PDE1C: variants seen among roughly 807,000 people sequenced by gnomAD.
PDE1C encodes dual specificity calcium/calmodulin-dependent 3',5'-cyclic nucleotide phosphodiesterase 1C.
PDE1C carries 62 observed loss-of-function variants against 93.1 expected under a neutral mutation model. The observed-to-expected ratio is 0.67, with a 90% CI of 0.54 to 0.82. The LOEUF is 0.82. PDE1C is among the 40% of genes least tolerant of loss of function. The probability of loss-of-function intolerance (pLI) is 0.00; values close to 1 mark genes in which losing one functional copy is unlikely to be tolerated. For synonymous variants in PDE1C, 325 were observed against 310.1 expected (o/e 1.05, Z -0.50); for missense variants, 742 against 884.6 (o/e 0.84, Z 2.04).
intron 2 of PDE1C, among the ~76,000 whole-genome samples, chr7:32,000,810 G>A (rs1411588601): frequency 6.6e-6 from 1 of 152,016 alleles, no homozygotes; most frequent in Non-Finnish European, 1.5e-5. Flanking sequence ...CTCCAATACA[G>A]CCCCCACACC....
chr7:32,058,816 AT>A (rs1794446008), intron 1 of PDE1C, among the ~76,000 whole-genome samples: 1 of 152,180 alleles, frequency 6.6e-6, no homozygotes, highest in Non-Finnish European at 1.5e-5. Flanking sequence ...GAGAAAGGAG[AT>A]AATAGAGTAA....
chr7:31,722,025 C>T, the PDE1C span, among the ~76,000 whole-genome samples: 4 of 152,156 alleles, frequency 2.6e-5, no homozygotes, highest in African/African-American at 9.7e-5. Context: ...GTCATATTTG[C>T]ACCAGAACCC....
chr7:31,736,404 G>GC, the PDE1C span, among the ~76,000 whole-genome samples: 2 of 152,128 alleles, frequency 1.3e-5, no homozygotes, highest in Admixed American at 1.3e-4. Context: ...GGAGACCCAG[G>GC]TTCACTCCTA....
At chr7:31,968,271 C>A (rs1343071506) in intron 2 of PDE1C, among the ~76,000 whole-genome samples, 1 of 152,146 alleles carries the variant, frequency 6.6e-6, no homozygotes, top group East Asian at 1.9e-4. Context: ...TCTCAGGATA[C>A]AAAATCAATG....
chr7:31,707,339 C>A, the PDE1C span: 3 of 1,454,802 alleles, frequency 2.1e-6, no homozygotes, highest in Admixed American at 3.9e-5. Context: ...CTGTGGTGAC[C>A]TAGAGAAAAA....
intron 1 of PDE1C, among the ~76,000 whole-genome samples, chr7:32,307,983 A>G (rs973373669): frequency 1.3e-5 from 2 of 152,230 alleles, no homozygotes; most frequent in Non-Finnish European, 2.9e-5. Flanking sequence ...TCCTAGTCAA[A>G]GAATGGGGTG....
intron 11 of PDE1C, 32 bp from the exon 12 acceptor site, chr7:31,828,405 G>A (rs1283418454): frequency 3.2e-6 from 5 of 1,573,146 alleles, no homozygotes; most frequent in African/African-American, 1.3e-5. Context: ...GTAAATTAAG[G>A]AACAGTAGGC....
At chr7:32,118,339 T>C (rs1584796128) in intron 3 of PDE1C, among the ~76,000 whole-genome samples, 1 of 152,164 alleles carries the variant, frequency 6.6e-6, no homozygotes, top group Non-Finnish European at 1.5e-5. Flanking sequence ...TTCAAGAATA[T>C]ATAAGTGCTA....
At chr7:31,839,163 T>G (rs938048526) in intron 9 of PDE1C, among the ~76,000 whole-genome samples, 25 of 149,244 alleles carry the variant, frequency 1.7e-4, no homozygotes, top group African/African-American at 5.9e-4. Flanking sequence ...TATATATGTA[T>G]GTATACACAC....
chr7:32,253,711 C>T (rs1175608205), intron 1 of PDE1C, among the ~76,000 whole-genome samples: 1 of 152,144 alleles, frequency 6.6e-6, no homozygotes, highest in Non-Finnish European at 1.5e-5. Context: ...ATGGAGGTTA[C>T]AGACATGGGG....
At chr7:32,360,565 T>C (rs562966735) in intron 1 of PDE1C, among the ~76,000 whole-genome samples, 3 of 152,312 alleles carry the variant, frequency 2.0e-5, no homozygotes, top group Admixed American at 1.3e-4. Context: ...AGGAGAAACC[T>C]GGGGCCAGCT....
chr7:31,836,435 A>T (rs1031859857), intron 11 of PDE1C, among the ~76,000 whole-genome samples: 5 of 152,094 alleles, frequency 3.3e-5, no homozygotes, highest in African/African-American at 1.2e-4. Flanking sequence ...CCTGGGTTCA[A>T]GCGATTCTCC....
At chr7:32,214,754 CTT>C (rs375316103) in intron 1 of PDE1C, among the ~76,000 whole-genome samples, 24 of 152,320 alleles carry the variant, frequency 1.6e-4, no homozygotes, top group African/African-American at 5.5e-4. Context: ...GTGGGCAACT[CTT>C]TGCATTGTAA....
chr7:31,906,928 G>A (rs981879720), intron 2 of PDE1C, among the ~76,000 whole-genome samples: 2 of 152,164 alleles, frequency 1.3e-5, no homozygotes, highest in Non-Finnish European at 2.9e-5. Flanking sequence ...TGCTATGTGT[G>A]CACGAATGCA....
chr7:32,420,386 T>C (rs62458063), intron 1 of PDE1C, among the ~76,000 whole-genome samples: 1 of 80,932 alleles, frequency 1.2e-5, no homozygotes, highest in African/African-American at 4.9e-5. Flanking sequence ...TGTGTATATA[T>C]ATATATACAC....
At chr7:31,831,453 C>T (rs1790375486) in intron 11 of PDE1C, among the ~76,000 whole-genome samples, 1 of 150,744 alleles carries the variant, frequency 6.6e-6, no homozygotes, top group African/African-American at 2.4e-5. Flanking sequence ...TGCAAGAGGC[C>T]CTACAAAAGT....
At chr7:32,302,987 T>C (rs1280187760), upstream of PDE1C, among the ~76,000 whole-genome samples, 3 of 152,222 alleles carry the variant, frequency 2.0e-5, no homozygotes, top group Non-Finnish European at 2.9e-5. Context: ...CCCATTCATA[T>C]AATCATTGGC....
chr7:32,299,506 T>G, upstream of PDE1C: 1 of 782,366 alleles, frequency 1.3e-6, no homozygotes, highest in Non-Finnish European at 1.6e-6. Context: ...CCATTCCAAA[T>G]AGCTTGTCCT....
intron 2 of PDE1C, among the ~76,000 whole-genome samples, chr7:31,974,358 A>C (rs1315860005): frequency 6.6e-6 from 1 of 152,238 alleles, no homozygotes; most frequent in Non-Finnish European, 1.5e-5. Context: ...GTCAAATTTT[A>C]ACATGGCACA....
Sources: allele counts gnomAD v4.1 joint callset (sites outside exome capture counted in the v4.1 genomes callset), GRCh38; gene constraint gnomAD v4.1.1; transcripts MANE v1.5; gene names NCBI Gene and HGNC (gene_info 2026-07-23, HGNC 2026-07-21).